SLCO1B3: variants seen among roughly 807,000 people sequenced by gnomAD.
The protein encoded by SLCO1B3 is solute carrier organic anion transporter family member 1B3, also known as liver-specific organic anion transporter 2.
A neutral mutation model predicts 71.8 loss-of-function variants in SLCO1B3; 72 were observed. The observed-to-expected ratio is 1.00, with a 90% CI of 0.83 to 1.22. SLCO1B3 has a LOEUF of 1.22. Among genes scored for constraint, SLCO1B3 ranks in the 50% most tolerant of loss-of-function variants. The pLI, the probability that SLCO1B3 is intolerant of heterozygous loss-of-function variation, is 0.00. For synonymous variants in SLCO1B3, 298 were observed against 278.4 expected, an observed-to-expected ratio of 1.07 and a Z score of -0.70; for missense variants, 911 against 819.7, an observed-to-expected ratio of 1.11 and a Z score of -1.36.
intron 13 of SLCO1B3, among the ~76,000 whole-genome samples, chr12:20,891,669 G>A (rs1308792879): frequency 6.6e-6 from 1 of 152,016 alleles, no homozygotes; most frequent in East Asian, 1.9e-4. Context: ...TGATTCATAA[G>A]TTTGTATGCA....
At chr12:20,882,242 A>T (rs577606402) in intron 12 of SLCO1B3, among the ~76,000 whole-genome samples, 1 of 152,282 alleles carries the variant, frequency 6.6e-6, no homozygotes, top group Non-Finnish European at 1.5e-5. Flanking sequence ...AAGTTCCTTT[A>T]CTAAATCCTC....
chr12:20,849,519 G>T (rs1021794594), intron 3 of SLCO1B3, among the ~76,000 whole-genome samples: 2 of 151,968 alleles, frequency 1.3e-5, no homozygotes, highest in Admixed American at 1.3e-4. Context: ...TTTTACTAAT[G>T]CTATTCAAGA....
chr12:20,883,617 G>A lies in SLCO1B3; in HGVS notation c.1682+15G>A. On this transcript the variant is annotated intron_variant, in intron 13 of 15. Transcript: ENST00000381545. ...TTGACTGTGAAGTAAGTATGATCCTGTAAAACATTGTCATGTATATTAGAC... is the reference window on the plus strand; with the variant it reads ...TTGACTGTGAAGTAAGTATGATCCTATAAAACATTGTCATGTATATTAGAC... 2 of 1,536,956 alleles carry A rather than the reference G, an allele frequency of 1.3e-6. No homozygotes were observed. The highest frequency in any genetic ancestry group is 1.2e-5 in the South Asian group (1 of 80,832).
In SLCO1B3 at chr12:20,842,719, C is replaced by T. The variant is rs190213533; in HGVS notation, c.85-12309C>T. Among the ~76,000 whole-genome samples the T allele has an allele frequency of 5.9e-5, 9 of 152,270 alleles. No homozygotes were observed. In the East Asian group the frequency reaches 1.5e-3, roughly 26 times the overall value. ...TTAGAATATTATGCCAATTTACTCC[C>T]TTCCCTGTTGCCTTTTAATGTTTTC... is the stretch of plus-strand genomic sequence containing the variant. On this transcript the variant is annotated intron_variant, in intron 3 of 15. Transcript: ENST00000381545.
At chr12:20,848,508 T>C (rs756121335) in intron 3 of SLCO1B3, among the ~76,000 whole-genome samples, 1 of 152,180 alleles carries the variant, frequency 6.6e-6, no homozygotes, top group African/African-American at 2.4e-5. Flanking sequence ...ACTTGAAAAC[T>C]TATATCCACA....
chr12:20,878,014 T>C (rs1233264526), intron 10 of SLCO1B3, 78 bp downstream of exon 10: 1 of 957,906 alleles, frequency 1.0e-6, no homozygotes, highest in East Asian at 2.8e-5. Context: ...CATTTTATTA[T>C]GAAGGTGATT....
intron 13 of SLCO1B3, among the ~76,000 whole-genome samples, chr12:20,890,663 A>G (rs1173857090): frequency 6.6e-6 from 1 of 152,100 alleles, no homozygotes; most frequent in African/African-American, 2.4e-5. Context: ...TGTTTTCCTT[A>G]GGCCCAGTAG....
At chr12:20,875,644 G>A (rs576256607) in intron 9 of SLCO1B3, among the ~76,000 whole-genome samples, 167 bp downstream of exon 9, 1 of 152,056 alleles carries the variant, frequency 6.6e-6, no homozygotes, top group Non-Finnish European at 1.5e-5. Flanking sequence ...TAACAAATAT[G>A]TCTTGAGTAC....
At position 20,862,807 on chromosome 12, in the gene SLCO1B3, G is replaced by A. The variant is rs750422279; in HGVS notation, c.680G>A (p.Gly227Glu). 6.2e-7 allele frequency: 1 copy of A among 1,611,856 alleles called. No homozygotes were observed. The highest frequency in any genetic ancestry group is 2.2e-5 in the East Asian group (1 of 44,782). The part of the protein sequence containing the change: ...MIGPVIGFAL[G>E]SLFAKMYVDI... ...GGTCCAGTCATTGGCTTTGCACTGG[G>A]ATCTCTGTTTGCTAAAATGTACGTG... Residue 227 changes from glycine (G) to glutamate (E), a missense_variant, in exon 8 of 16, where the codon GGA (glycine) becomes GAA (glutamate). Transcript: ENST00000381545.
rs766019973 is a variant in SLCO1B3, at chr12:20,883,592, T to C, written c.1672T>C (p.Leu558=). 2.5e-5 allele frequency: 39 copies of C among 1,586,386 alleles called. No individual in the cohort carries two copies. Among genetic ancestry groups the C allele is most frequent in the Non-Finnish European group, 3.3e-5 (38 of 1,168,872 alleles). ...SATGGTTFIL[L]TVKIVQPELK... Reference sequence around the variant, plus strand: ...AACAGGAGGTACCACATTTATCTTGTTGACTGTGAAGTAAGTATGATCCTG... The same window carrying C: ...AACAGGAGGTACCACATTTATCTTGCTGACTGTGAAGTAAGTATGATCCTG... Residue 558 remains leucine, a synonymous_variant, in exon 13 of 16, where the codon TTG becomes CTG. Coordinates refer to ENST00000381545, the MANE Select transcript of SLCO1B3 (RefSeq NM_019844.4).
At position 20,916,251 on chromosome 12, in the gene SLCO1B3, T is replaced by G; in HGVS notation, c.*4T>G. On this transcript the variant is annotated 3_prime_UTR_variant, in exon 16 of 16. Coordinates refer to ENST00000381545, the MANE Select transcript of SLCO1B3 (RefSeq NM_019844.4). Reference sequence around the variant, plus strand: ...AGACAATGCTGCTGCCAACTAACATTGCATTGATTCATTAAGATGTTATTT... The same window carrying G: ...AGACAATGCTGCTGCCAACTAACATGGCATTGATTCATTAAGATGTTATTT... 1 of 1,610,302 alleles carries G rather than the reference T, an allele frequency of 6.2e-7. No individual in the cohort carries two copies. Among genetic ancestry groups the G allele is most frequent in the Non-Finnish European group, 8.5e-7 (1 of 1,177,750 alleles).
At chr12:20,890,943 A>C (rs956631141) in intron 13 of SLCO1B3, among the ~76,000 whole-genome samples, 2 of 152,134 alleles carry the variant, frequency 1.3e-5, no homozygotes, top group Non-Finnish European at 2.9e-5. Context: ...TGTATGCAGC[A>C]TATAGTTGGA....
chr12:20,892,677 A>G (rs1237018306), intron 13 of SLCO1B3, among the ~76,000 whole-genome samples: 1 of 152,172 alleles, frequency 6.6e-6, no homozygotes, highest in Non-Finnish European at 1.5e-5. Flanking sequence ...AAAGGAATGT[A>G]ATCAGATGAG....
chr12:20,821,337 G>T (rs12314926), intron 3 of SLCO1B3, among the ~76,000 whole-genome samples: 48,880 of 151,958 alleles, frequency 0.32, 8,287 homozygotes, highest in African/African-American at 0.43. Context: ...TTGTACTGGG[G>T]TCAAGCGGCA....
rs76963574 is a variant in SLCO1B3 at position 20,898,465 on chromosome 12, C to T, written c.1712C>T (p.Ala571Val). The change falls in exon 14 of 16, where the codon GCA becomes GTA. Residue 571 changes from alanine (A) to valine (V), a missense_variant. Transcript: ENST00000381545. ...KIVQPELKAL[A>V]MGFQSMVIRT... ...GTTCAACCTGAATTGAAAGCACTTG[C>T]AATGGGTTTCCAGTCAATGGTTATA... The T allele has an allele frequency of 2.5e-6, 4 of 1,597,276 alleles. No individual in the cohort carries two copies. In the South Asian group the frequency reaches 3.3e-5, roughly 13 times the overall value.
chr12:20,857,794 T>C (rs947250670), intron 4 of SLCO1B3, among the ~76,000 whole-genome samples: 2 of 152,140 alleles, frequency 1.3e-5, no homozygotes, highest in East Asian at 1.9e-4. Flanking sequence ...TTCAATGTTA[T>C]ATATAAGGCT....
intron 13 of SLCO1B3, among the ~76,000 whole-genome samples, chr12:20,895,081 G>A (rs768889125): frequency 3.9e-5 from 6 of 152,240 alleles, no homozygotes; most frequent in Admixed American, 1.3e-4. Context: ...GAAAGACCAC[G>A]ATTCAATGAT....
chr12:20,824,580 T>G (rs1864383622), intron 3 of SLCO1B3, among the ~76,000 whole-genome samples: 1 of 152,132 alleles, frequency 6.6e-6, no homozygotes, highest in Admixed American at 6.6e-5. Context: ...ATACAGCAAT[T>G]TTCCATAATA....
chr12:20,837,357 C>A (rs1271771119), intron 3 of SLCO1B3, among the ~76,000 whole-genome samples: 1 of 151,864 alleles, frequency 6.6e-6, no homozygotes, highest in African/African-American at 2.4e-5. Flanking sequence ...CTTCTTCTTG[C>A]TTTGAATTTC....
Sources: gnomAD v4.1 joint callset for allele counts (sites outside exome capture counted in the v4.1 genomes callset) on GRCh38, gnomAD v4.1.1 for gene constraint, MANE v1.5 for transcripts, NCBI Gene and HGNC (gene_info 2026-07-23, HGNC 2026-07-21) for gene names.